Variants in SEMA6D observed in about 807,000 individuals in gnomAD.
The protein encoded by SEMA6D is semaphorin 6D.
SEMA6D carries 35 observed loss-of-function variants against 106.6 expected under a neutral mutation model. The ratio of observed to expected loss-of-function variants is 0.33; its 90% CI spans 0.25 to 0.44. The LOEUF (loss-of-function observed/expected upper bound fraction) is 0.44, where lower values mean the gene tolerates loss of function less well. Ranked by LOEUF, SEMA6D falls within the 20% of genes least tolerant of loss-of-function variation. The pLI is 1.00. For synonymous variants in SEMA6D, 499 were observed against 487.7 expected (o/e 1.02, Z -0.31); for missense variants, 1,185 against 1,345.9 (o/e 0.88, Z 1.87).
chr15:47,330,427 T>A (rs779146684), intron 1 of SEMA6D, among the ~76,000 whole-genome samples: 1 of 152,118 alleles, frequency 6.6e-6, no homozygotes, highest in Non-Finnish European at 1.5e-5. Context: ...GAGTCACTGA[T>A]GGATGGGAGA....
chr15:47,641,921 G>T (rs1005796182), intron 4 of SEMA6D, among the ~76,000 whole-genome samples: 1 of 152,196 alleles, frequency 6.6e-6, no homozygotes, highest in African/African-American at 2.4e-5. Flanking sequence ...GATGTGCCCT[G>T]TTGTAGCACA....
At chr15:47,679,365 A>T (rs1404668540) in intron 4 of SEMA6D, among the ~76,000 whole-genome samples, 1 of 152,200 alleles carries the variant, frequency 6.6e-6, no homozygotes, top group Non-Finnish European at 1.5e-5. Flanking sequence ...TTACTCTGAA[A>T]TCCAACAACA....
chr15:47,196,038 T>TTG (rs1350023218), intron 1 of SEMA6D, among the ~76,000 whole-genome samples: 1 of 151,080 alleles, frequency 6.6e-6, no homozygotes. Context: ...TTTTTTTTTT[T>TTG]GGAGACGTGA....
intron 1 of SEMA6D, among the ~76,000 whole-genome samples, chr15:47,270,922 G>A (rs1479652639): frequency 6.6e-6 from 1 of 151,792 alleles, no homozygotes; most frequent in East Asian, 1.9e-4. Flanking sequence ...TTGAACCCGG[G>A]CAACAGAGCA....
intron 4 of SEMA6D, among the ~76,000 whole-genome samples, chr15:47,692,019 G>C (rs965357453): frequency 6.6e-6 from 1 of 152,196 alleles, no homozygotes; most frequent in Non-Finnish European, 1.5e-5. Flanking sequence ...AAGAGGAAAA[G>C]CATTTCTAGC....
chr15:47,544,338 C>G (rs1009367649), intron 3 of SEMA6D, among the ~76,000 whole-genome samples: 1 of 152,058 alleles, frequency 6.6e-6, no homozygotes, highest in East Asian at 1.9e-4. Flanking sequence ...CACTAATACT[C>G]TTGTTAGAAT....
At chr15:47,252,163 C>T (rs907767282) in intron 1 of SEMA6D, among the ~76,000 whole-genome samples, 17 of 151,680 alleles carry the variant, frequency 1.1e-4, no homozygotes, top group Non-Finnish European at 2.2e-4. Context: ...GTGATCCGCC[C>T]GCCTCGGCCT....
chr15:47,484,451 C>T (rs1199162728), intron 3 of SEMA6D, among the ~76,000 whole-genome samples: 2 of 152,060 alleles, frequency 1.3e-5, no homozygotes, highest in Non-Finnish European at 2.9e-5. Flanking sequence ...CGAAACACCT[C>T]CTATGTAACA....
chr15:47,321,766 T>A (rs2036933669), intron 1 of SEMA6D, among the ~76,000 whole-genome samples: 1 of 152,216 alleles, frequency 6.6e-6, no homozygotes, highest in South Asian at 2.1e-4. Flanking sequence ...ATTTTTATTA[T>A]GATGATAGTT....
intron 4 of SEMA6D, among the ~76,000 whole-genome samples, chr15:47,652,472 GC>G (rs1442312122): frequency 2.0e-5 from 3 of 152,170 alleles, no homozygotes; most frequent in African/African-American, 7.2e-5. Flanking sequence ...CACCCCGCCT[GC>G]CCGCTCCGCT....
At chr15:47,648,485 A>C (rs1429286698) in intron 4 of SEMA6D, among the ~76,000 whole-genome samples, 1 of 152,068 alleles carries the variant, frequency 6.6e-6, no homozygotes, top group East Asian at 1.9e-4. Context: ...TTGGAGAATG[A>C]ATGAATGAAT....
intron 3 of SEMA6D, among the ~76,000 whole-genome samples, chr15:47,473,088 T>A (rs1407171614): frequency 6.6e-6 from 1 of 152,154 alleles, no homozygotes; most frequent in Non-Finnish European, 1.5e-5. Flanking sequence ...CTAGGGTCAG[T>A]CTGAGGAAAA....
intron 1 of SEMA6D, among the ~76,000 whole-genome samples, chr15:47,232,023 C>T (rs1400752766): frequency 2.0e-5 from 3 of 151,984 alleles, no homozygotes; most frequent in Non-Finnish European, 4.4e-5. Flanking sequence ...ATTCTACTTT[C>T]AGCCCCTGTA....
intron 3 of SEMA6D, among the ~76,000 whole-genome samples, chr15:47,537,327 G>A (rs2045200236): frequency 6.6e-6 from 1 of 152,134 alleles, no homozygotes; most frequent in South Asian, 2.1e-4. Context: ...TGGATTAAGA[G>A]GATAAGGCAA....
chr15:47,528,653 C>A (rs1178379169), intron 3 of SEMA6D, among the ~76,000 whole-genome samples: 1 of 152,172 alleles, frequency 6.6e-6, no homozygotes, highest in African/African-American at 2.4e-5. Flanking sequence ...AGGAAAGGCC[C>A]TCCTTTAAGG....
intron 1 of SEMA6D, among the ~76,000 whole-genome samples, chr15:47,332,631 C>T (rs564610394): frequency 1.3e-5 from 2 of 152,310 alleles, no homozygotes; most frequent in African/African-American, 4.8e-5. Context: ...AAAAACAACA[C>T]TTCACTCTGG....
At chr15:47,188,704 G>C (rs1220172572) in intron 1 of SEMA6D, among the ~76,000 whole-genome samples, 3 of 151,970 alleles carry the variant, frequency 2.0e-5, no homozygotes, top group Non-Finnish European at 4.4e-5. Flanking sequence ...GTCTTATTTT[G>C]TTTTTCTTTT....
intron 1 of SEMA6D, among the ~76,000 whole-genome samples, chr15:47,328,954 T>C (rs186539583): frequency 5.3e-5 from 8 of 152,358 alleles, no homozygotes; most frequent in Non-Finnish European, 1.0e-4. Context: ...CATTCATCAC[T>C]ATAATAAACT....
intron 1 of SEMA6D, among the ~76,000 whole-genome samples, chr15:47,316,460 A>G (rs1595715266): frequency 6.6e-6 from 1 of 151,972 alleles, no homozygotes; most frequent in Non-Finnish European, 1.5e-5. Flanking sequence ...GTGAGAGGGG[A>G]CATCTTGCCT....
Sources: gnomAD v4.1 joint callset for allele counts (sites outside exome capture counted in the v4.1 genomes callset) on GRCh38, gnomAD v4.1.1 for gene constraint, MANE v1.5 for transcripts, NCBI Gene and HGNC (gene_info 2026-07-23, HGNC 2026-07-21) for gene names.